COL4A2: variants seen among roughly 807,000 people sequenced by gnomAD.
The protein encoded by COL4A2 is collagen type IV alpha 2 chain, also known as collagen alpha-2(IV) chain.
Under a neutral mutation model 200.2 loss-of-function variants are expected in COL4A2, and 99 were observed. The ratio of observed to expected loss-of-function variants is 0.49; its 90% CI spans 0.42 to 0.58. The LOEUF (loss-of-function observed/expected upper bound fraction) is 0.58. COL4A2 is among the 20% of genes least tolerant of loss of function. COL4A2 has a pLI of 0.00. For missense variants in COL4A2, 1,950 were observed against 2,314.1 expected (o/e 0.84, Z 3.23); for synonymous variants, 897 against 900.6 (o/e 1.00, Z 0.07).
At chr13:110,509,413 G>A (rs1489276882) in intron 47 of COL4A2, among the ~76,000 whole-genome samples, 4 of 151,968 alleles carry the variant, frequency 2.6e-5, no homozygotes, top group South Asian at 2.1e-4. Context: ...AATAGGTATC[G>A]TTGCTATGAT....
In COL4A2 at chr13:110,473,115, G is replaced by C; in HGVS notation, c.2390G>C (p.Gly797Ala). The change falls in exon 29 of 48, where the codon GGC (glycine) becomes GCC (alanine). Residue 797 changes from glycine to alanine, a missense_variant. By Grantham distance (60) the Gly-to-Ala change is moderately conservative. This residue lies in a region of COL4A2 where 1,385 missense variants were observed against 1,720.5 expected (regional missense o/e 0.80). Coordinates refer to ENST00000360467, the MANE Select transcript of COL4A2 (RefSeq NM_001846.4). The stretch of plus-strand genomic sequence containing the variant: ...GTGCCTGGACAGCCTGGGCTTAAAG[G>C]CCTTCCCGGAGACAGAGGCCCCCCT... ...AGVPGQPGLK[G>A]LPGDRGPPGF... The C allele has an allele frequency of 6.4e-7, 1 of 1,563,194 alleles. No individual in the cohort carries two copies. The highest frequency in any genetic ancestry group is 8.7e-7 in the Non-Finnish European group (1 of 1,154,024).
At chr13:110,353,671 T>C (rs1327610290) in intron 3 of COL4A2, among the ~76,000 whole-genome samples, 1 of 152,252 alleles carries the variant, frequency 6.6e-6, no homozygotes, top group Non-Finnish European at 1.5e-5. Flanking sequence ...CTGTTCCTCC[T>C]GGAGACCTCA....
At chr13:110,341,781 G>A (rs145202258) in intron 3 of COL4A2, among the ~76,000 whole-genome samples, 13 of 152,314 alleles carry the variant, frequency 8.5e-5, no homozygotes, top group African/African-American at 2.6e-4. Flanking sequence ...GAGGGCCGAC[G>A]TTTCCTGGCT....
chr13:110,481,629 G>GAGACACACTGTTCTGTCCCTCCGTGCTGT (rs1882924648), intron 31 of COL4A2, among the ~76,000 whole-genome samples: 4 of 79,564 alleles, frequency 5.0e-5, no homozygotes, highest in Admixed American at 1.3e-4. Flanking sequence ...TCCGTTGCTG[G>GAGACACACTGTTCTGTCCCTCCGTGCTGT]AGACACACTG....
chr13:110,366,931 C>A (rs9559781), intron 4 of COL4A2, among the ~76,000 whole-genome samples: 60,572 of 152,040 alleles, frequency 0.4, 12,214 homozygotes, highest in Middle Eastern at 0.56. Context: ...TGGTGTAGAC[C>A]ACTGAAGCGC....
chr13:110,470,135 C>T (rs929005818), intron 28 of COL4A2, among the ~76,000 whole-genome samples: 1 of 152,036 alleles, frequency 6.6e-6, no homozygotes, highest in African/African-American at 2.4e-5. Context: ...AGGCTGGTCT[C>T]AAACTCCTGA....
chr13:110,433,423 G>C (rs536770261), intron 11 of COL4A2, among the ~76,000 whole-genome samples: 2 of 146,142 alleles, frequency 1.4e-5, no homozygotes, highest in Admixed American at 6.7e-5. Context: ...TGACTTTGAC[G>C]ACCAGCTCAG....
intron 4 of COL4A2, among the ~76,000 whole-genome samples, chr13:110,412,918 G>A (rs9515207): frequency 0.94 from 143,772 of 152,268 alleles, 68,374 homozygotes; most frequent in East Asian, 1. Context: ...AGAGGCCTGG[G>A]AAACATTCTC....
At chr13:110,392,989 G>A (rs1296806371) in intron 4 of COL4A2, among the ~76,000 whole-genome samples, 4 of 152,344 alleles carry the variant, frequency 2.6e-5, no homozygotes, top group African/African-American at 9.6e-5. Context: ...ATTCTGACTA[G>A]CCTGGAGCGA....
intron 4 of COL4A2, among the ~76,000 whole-genome samples, chr13:110,410,624 A>G (rs562890974): frequency 2.0e-5 from 3 of 152,264 alleles, no homozygotes; most frequent in South Asian, 2.1e-4. Flanking sequence ...AGCCACTTTC[A>G]TACCCTTTTG....
intron 3 of COL4A2, among the ~76,000 whole-genome samples, chr13:110,308,361 G>A (rs1222997327): frequency 6.6e-6 from 1 of 152,106 alleles, no homozygotes; most frequent in Non-Finnish European, 1.5e-5. Flanking sequence ...GGCCTTTCAC[G>A]GGAACTGGGA....
intron 13 of COL4A2, among the ~76,000 whole-genome samples, chr13:110,436,838 T>C (rs1287271427): frequency 2.0e-5 from 3 of 152,192 alleles, no homozygotes; most frequent in Non-Finnish European, 2.9e-5. Flanking sequence ...ATTGAAATCA[T>C]GCTCTTAGTC....
intron 46 of COL4A2, 24 bp from the exon 47 acceptor site, chr13:110,507,911 A>G: frequency 6.2e-7 from 1 of 1,609,568 alleles, no homozygotes; most frequent in Non-Finnish European, 8.5e-7. Flanking sequence ...CTGCACTGTG[A>G]TCTCATGACC....
chr13:110,485,090 G>T, intron 33 of COL4A2, 63 bp downstream of exon 33: 2 of 1,426,116 alleles, frequency 1.4e-6, no homozygotes, highest in Non-Finnish European at 1.9e-6. Context: ...GCACCAGCTC[G>T]TGCCCTTCTC....
intron 29 of COL4A2, among the ~76,000 whole-genome samples, chr13:110,476,082 C>G (rs1025710103): frequency 6.6e-6 from 1 of 152,198 alleles, no homozygotes; most frequent in Non-Finnish European, 1.5e-5. Flanking sequence ...CCTGCTGCCC[C>G]CTGCTGAGGC....
intron 4 of COL4A2, among the ~76,000 whole-genome samples, chr13:110,378,484 G>C (rs1026910280): frequency 1.3e-5 from 2 of 152,154 alleles, no homozygotes; most frequent in African/African-American, 4.8e-5. Context: ...CCTTTCCTCC[G>C]GGTCCCTCGC....
intron 29 of COL4A2, among the ~76,000 whole-genome samples, chr13:110,473,949 A>T (rs1476886899): frequency 9.3e-6 from 1 of 107,076 alleles, no homozygotes; most frequent in Non-Finnish European, 1.9e-5. Context: ...ACATAGGGAG[A>T]CCCCATTTCT....
Position 110,388,120 on chromosome 13 carries a change from G to A in COL4A2, c.180+30568G>A, listed in dbSNP as rs906331723. On this transcript the variant is annotated intron_variant, in intron 4 of 47. Transcript: ENST00000360467. Reference sequence around the variant, plus strand: ...GTGGCCCAGAAGGCTGAGGGACAGGGGCCTATGTAAGCTTCACGGGAACAG... The same window carrying A: ...GTGGCCCAGAAGGCTGAGGGACAGGAGCCTATGTAAGCTTCACGGGAACAG... Among the ~76,000 whole-genome samples, 6 of 152,326 alleles carry A rather than the reference G, an allele frequency of 3.9e-5. No individual in the cohort carries two copies. In the South Asian group the frequency reaches 1.2e-3, roughly 32 times the overall value.
At chr13:110,424,661 G>T in intron 4 of COL4A2, 73 bp from the exon 5 acceptor site, 15 of 971,364 alleles carry the variant, frequency 1.5e-5, no homozygotes, top group Non-Finnish European at 1.8e-5. Context: ...ATGTAGTTTT[G>T]AAAGTAACCG....
Sources: gnomAD v4.1 joint callset for allele counts (sites outside exome capture counted in the v4.1 genomes callset) on GRCh38, gnomAD v4.1.1 for gene constraint, gnomAD v4.1.1 regional missense constraint, MANE v1.5 for transcripts, NCBI Gene and HGNC (gene_info 2026-07-23, HGNC 2026-07-21) for gene names.